The following RSU1 variants were observed in gnomAD, a reference collection of about 807,000 sequenced individuals.
The protein encoded by RSU1 is Ras suppressor protein 1.
Under a neutral mutation model 31.1 loss-of-function variants are expected in RSU1, and 26 were observed. The ratio of observed to expected loss-of-function variants is 0.84; its 90% CI spans 0.61 to 1.16. The LOEUF (loss-of-function observed/expected upper bound fraction) is 1.16. Ranked by LOEUF, RSU1 falls within the 50% of genes most tolerant of loss-of-function variation. The pLI, the probability that RSU1 is intolerant of heterozygous loss-of-function variation, is 0.00. For missense variants in RSU1, 320 were observed against 339.1 expected, an observed-to-expected ratio of 0.94 and a Z score of 0.44; for synonymous variants, 164 against 136.3, an observed-to-expected ratio of 1.20 and a Z score of -1.41.
intron 7 of RSU1, among the ~76,000 whole-genome samples, chr10:16,716,227 G>C (rs75179975): frequency 0.041 from 6,263 of 152,256 alleles, 439 homozygotes; most frequent in African/African-American, 0.14. Flanking sequence ...TCACAGGCAG[G>C]CTAAGGGAGG....
chr10:16,645,964 GTGTATATATATGTGTATATACATATA>G lies in RSU1; in HGVS notation c.731+49033_731+49058del, dbSNP rs1834552347. ...TATATATATGTGTATATACATATAT[GTGTATATATATGTGTATATACATATA>G]TGTGTATATATATGTGTATATACAT... On this transcript the variant is annotated intron_variant, in intron 8 of 8. Transcript: ENST00000345264. Among the ~76,000 whole-genome samples, 2 of 29,676 alleles carry G rather than the reference GTGTATATATATGTGTATATACATATA, an allele frequency of 6.7e-5. 1 individual carries two copies. Among genetic ancestry groups the G allele is most frequent in the Non-Finnish European group, 1.3e-4 (2 of 15,234 alleles). The allele number at this position is 29,676 out of a possible 152,430, so 19.5% of individuals were successfully genotyped here.
chr10:16,715,994 A>C (rs1382228698), intron 7 of RSU1, among the ~76,000 whole-genome samples: 1 of 152,234 alleles, frequency 6.6e-6, no homozygotes, highest in Non-Finnish European at 1.5e-5. Flanking sequence ...CAAAGTAGAA[A>C]AATTTTTCTT....
At chr10:16,741,474 TA>T (rs1353502830) in intron 7 of RSU1, among the ~76,000 whole-genome samples, 4 of 152,156 alleles carry the variant, frequency 2.6e-5, no homozygotes, top group Admixed American at 2.0e-4. Flanking sequence ...CTGAACATAC[TA>T]AAAAACACTG....
chr10:16,722,922 A>G (rs1836304514), intron 7 of RSU1, among the ~76,000 whole-genome samples: 1 of 149,766 alleles, frequency 6.7e-6, no homozygotes, highest in Non-Finnish European at 1.5e-5. Context: ...ACATATATGT[A>G]TATATACACA....
chr10:16,748,939 G>A (rs552396349), intron 7 of RSU1, among the ~76,000 whole-genome samples: 6 of 151,660 alleles, frequency 4.0e-5, no homozygotes, highest in South Asian at 2.1e-4. Context: ...GTCTTCTCCC[G>A]CTAGAACATC....
intron 7 of RSU1, among the ~76,000 whole-genome samples, chr10:16,731,541 T>C (rs148326259): frequency 5.3e-5 from 8 of 152,216 alleles, no homozygotes; most frequent in Non-Finnish European, 1.0e-4. Context: ...CAACAAAAGG[T>C]TGGAAGCTTT....
intron 8 of RSU1, among the ~76,000 whole-genome samples, chr10:16,598,044 G>A (rs1195827367): frequency 1.3e-5 from 2 of 152,236 alleles, no homozygotes; most frequent in African/African-American, 4.8e-5. Flanking sequence ...ACGAGCCACG[G>A]GGCCTCAACT....
chr10:16,611,850 T>C (rs1375049142), intron 8 of RSU1, among the ~76,000 whole-genome samples: 3 of 152,330 alleles, frequency 2.0e-5, no homozygotes, highest in Admixed American at 1.3e-4. Flanking sequence ...TATGAATGAA[T>C]CTCTCTTTAT....
At chr10:16,796,636 C>G (rs1838039581) in intron 2 of RSU1, among the ~76,000 whole-genome samples, 1 of 152,214 alleles carries the variant, frequency 6.6e-6, no homozygotes, top group East Asian at 1.9e-4. Context: ...TTTTGAGTAC[C>G]TGGTCTGCAT....
intron 8 of RSU1, among the ~76,000 whole-genome samples, chr10:16,618,967 C>T (rs934175433): frequency 1.3e-5 from 2 of 152,100 alleles, no homozygotes; most frequent in Non-Finnish European, 2.9e-5. Context: ...GTGTTCTGCA[C>T]GTGTATCCCA....
At position 16,650,926 on chromosome 10, in the gene RSU1, T is replaced by C. The variant is rs1357420503; in HGVS notation, c.731+44097A>G. On this transcript the variant is annotated intron_variant, in intron 8 of 8. Transcript: ENST00000345264. ...ATCCAAAAAGAGAAAGCAGGAGTTT[T>C]TCATAATGTATATTTCATTCATGTT... Among the ~76,000 whole-genome samples, 8 of 152,308 alleles carry C rather than the reference T, an allele frequency of 5.3e-5. No individual in the cohort carries two copies. In the East Asian group the frequency reaches 1.3e-3, roughly 26 times the overall value.
chr10:16,688,443 A>G (rs1233580425), intron 8 of RSU1, among the ~76,000 whole-genome samples: 2 of 147,834 alleles, frequency 1.4e-5, no homozygotes, highest in East Asian at 4.0e-4. Flanking sequence ...TGTCTCTACT[A>G]AAAAAAATAC....
intron 8 of RSU1, among the ~76,000 whole-genome samples, chr10:16,665,000 G>T (rs1228151758): frequency 6.6e-6 from 1 of 152,096 alleles, no homozygotes; most frequent in African/African-American, 2.4e-5. Flanking sequence ...CTGGAATGCA[G>T]TGGCACGATC....
At chr10:16,704,845 A>C (rs1205204360) in intron 7 of RSU1, among the ~76,000 whole-genome samples, 1 of 152,136 alleles carries the variant, frequency 6.6e-6, no homozygotes, top group Non-Finnish European at 1.5e-5. Flanking sequence ...TTTTTCCCCC[A>C]CTTTTTATTT....
At chr10:16,663,270 A>C (rs1039930412) in intron 8 of RSU1, among the ~76,000 whole-genome samples, 1 of 152,140 alleles carries the variant, frequency 6.6e-6, no homozygotes, top group Non-Finnish European at 1.5e-5. Context: ...CACCAGGAGG[A>C]AGAAGCATGT....
At chr10:16,619,980 TA>T (rs1289374385) in intron 8 of RSU1, among the ~76,000 whole-genome samples, 2 of 152,190 alleles carry the variant, frequency 1.3e-5, no homozygotes, top group Admixed American at 6.5e-5. Context: ...TACATTTATA[TA>T]AAAATTATGA....
Position 16,706,879 on chromosome 10 carries a change from C to CTTCT in RSU1, c.599-11725_599-11724insAGAA, listed in dbSNP as rs147047904. Among the ~76,000 whole-genome samples the CTTCT allele has an allele frequency of 9.6e-3, 1,469 of 152,266 alleles. 31 individuals carry two copies. The highest frequency in any genetic ancestry group is 0.033 in the African/African-American group (1,381 of 41,570). On this transcript the variant is annotated intron_variant, in intron 7 of 8. Transcript: ENST00000345264. ...ACTGGCCAACATCTCTGCACCCTTC[C>CTTCT]ATCTCTTCCCGCCCCTCCCAGTCTC...
chr10:16,672,614 G>GT (rs34030604), intron 8 of RSU1, among the ~76,000 whole-genome samples: 44,693 of 151,262 alleles, frequency 0.3, 6,891 homozygotes, highest in African/African-American at 0.38. Context: ...GGAGCCAGTT[G>GT]TTTTTTTTTA....
intron 8 of RSU1, among the ~76,000 whole-genome samples, chr10:16,653,281 T>C (rs955456922): frequency 6.6e-6 from 1 of 152,218 alleles, no homozygotes; most frequent in Non-Finnish European, 1.5e-5. Flanking sequence ...TGATGAAATA[T>C]ACAGAACAGT....
Sources: gnomAD v4.1 joint callset for allele counts (sites outside exome capture counted in the v4.1 genomes callset) on GRCh38, gnomAD v4.1.1 for gene constraint, MANE v1.5 for transcripts, NCBI Gene and HGNC (gene_info 2026-07-23, HGNC 2026-07-21) for gene names.